The following IQSEC3 variants were observed in gnomAD, a reference collection of about 807,000 sequenced individuals.
IQSEC3 encodes IQ motif and Sec7 domain ArfGEF 3, also known as IQ motif and SEC7 domain-containing protein 3.
In IQSEC3, 50 loss-of-function variants were observed where a neutral mutation model predicts 105.4. The ratio of observed to expected loss-of-function variants is 0.47; its 90% CI spans 0.38 to 0.60. The LOEUF is 0.60. Ranked by LOEUF, IQSEC3 falls within the 20% of genes least tolerant of loss-of-function variation. The pLI is 0.00. For missense variants in IQSEC3, 1,415 were observed against 1,630.0 expected (o/e 0.87, Z 2.27); for synonymous variants, 708 against 746.0 (o/e 0.95, Z 0.83).
intron 1 of IQSEC3, among the ~76,000 whole-genome samples, chr12:98,640 AT>A (rs1291872326): frequency 6.6e-6 from 1 of 152,128 alleles, no homozygotes. Context: ...CACTCCTTGG[AT>A]TTTTAGCTGG....
chr12:114,509 AAG>A (rs1864991026), intron 2 of IQSEC3, among the ~76,000 whole-genome samples: 1 of 152,228 alleles, frequency 6.6e-6, no homozygotes, highest in African/African-American at 2.4e-5. Context: ...AAAAGAGAGA[AAG>A]AGAGAGACTC....
chr12:131,592 T>C lies in IQSEC3; in HGVS notation c.903+5680T>C, dbSNP rs1591695074. ...CCTGGGGTCACAAGAGAGAATTCAGTTTAGTTCATGTCTGCAAACACTTAT... is the reference window on the plus strand; with the variant it reads ...CCTGGGGTCACAAGAGAGAATTCAGCTTAGTTCATGTCTGCAAACACTTAT... On this transcript the variant is annotated intron_variant, in intron 3 of 13. Transcript: ENST00000538872. Among the ~76,000 whole-genome samples the C allele has an allele frequency of 2.6e-5, 4 of 152,236 alleles. No individual in the cohort carries two copies. In the South Asian group the frequency reaches 6.2e-4, roughly 24 times the overall value.
chr12:97,848 C>G (rs1270363734), intron 1 of IQSEC3, among the ~76,000 whole-genome samples: 3 of 152,292 alleles, frequency 2.0e-5, no homozygotes, highest in Non-Finnish European at 2.9e-5. Context: ...TTCTTCCATG[C>G]AGATAGCCAA....
At chr12:159,906 C>T (rs1866825439) in intron 7 of IQSEC3, among the ~76,000 whole-genome samples, 1 of 152,154 alleles carries the variant, frequency 6.6e-6, no homozygotes, top group Non-Finnish European at 1.5e-5. Flanking sequence ...TTATAGTTTT[C>T]TACCTGCCAT....
chr12:165,541 T>TTTGACAGCCAGTGTAAGTCG lies in IQSEC3; in HGVS notation c.2809+27_2809+28insGTTGACAGCCAGTGTAAGTC. ...AGCTCTTTGAGAACGAGTGTAAGTC[T>TTTGACAGCCAGTGTAAGTCG]TTGACAGCCAGTGTAAGTCTTTGAG... On this transcript the variant is annotated intron_variant, in intron 10 of 13. Transcript: ENST00000538872. 1 of 1,611,550 alleles carries TTTGACAGCCAGTGTAAGTCG rather than the reference T, an allele frequency of 6.2e-7. No individual in the cohort carries two copies. Among genetic ancestry groups the TTTGACAGCCAGTGTAAGTCG allele is most frequent in the Non-Finnish European group, 8.5e-7 (1 of 1,177,658 alleles).
rs529888980 is a variant in IQSEC3 at position 174,653 on chromosome 12, G to C, written c.3169G>C (p.Glu1057Gln). 1.3e-6 allele frequency: 2 copies of C among 1,586,816 alleles called. No homozygotes were observed. Among genetic ancestry groups the C allele is most frequent in the Non-Finnish European group, 1.7e-6 (2 of 1,173,552 alleles). Residue 1057 changes from glutamate (E) to glutamine (Q), a missense_variant, in exon 14 of 14, where the codon GAG becomes CAG. Physicochemically the swap from Glu to Gln is conservative, Grantham distance 29 (BLOSUM62 2). Coordinates refer to ENST00000538872, the MANE Select transcript of IQSEC3 (RefSeq NM_001170738.2). ...TSQHNSGLGAERGAPVPPPDL... is the reference protein window; with the variant it reads ...TSQHNSGLGAQRGAPVPPPDL... ...CCAGCACAACTCCGGGCTGGGGGCC[G>C]AGAGGGGAGCGCCGGTGCCGCCGCC...
chr12:110,280 T>G (rs1864837152), intron 2 of IQSEC3, among the ~76,000 whole-genome samples: 2 of 152,158 alleles, frequency 1.3e-5, no homozygotes, highest in Non-Finnish European at 2.9e-5. Flanking sequence ...TGCAGTTTCT[T>G]AGTAATATCA....
chr12:174,934 C>T lies in IQSEC3; in HGVS notation c.3450C>T (p.Pro1150=), dbSNP rs772946267. 2.6e-6 allele frequency: 4 copies of T among 1,532,886 alleles called. No individual in the cohort carries two copies. The African/African-American group carries it at 4.1e-5, about 16-fold the overall frequency. 95.0% of individuals were successfully genotyped at this position (1,532,886 alleles called of 1,614,324 possible). ...PVKVTHQPPL[P]PPPPPYNHPH... is the part of the protein sequence containing the mutation. ...AGGTCACCCACCAGCCTCCGCTGCC[C>T]CCGCCCCCACCCCCCTACAACCACC... The change falls in exon 14 of 14, where the codon CCC becomes CCT. Residue 1150 remains proline (P), a synonymous_variant. Transcript: ENST00000538872.
intron 13 of IQSEC3, 24 bp downstream of exon 13, chr12:171,185 GGTGA>G: frequency 1.2e-6 from 2 of 1,614,100 alleles, no homozygotes; most frequent in Non-Finnish European, 1.7e-6. Context: ...TGGTTGCCCA[GGTGA>G]GTGACTACCC....
chr12:125,507 C>A, intron 2 of IQSEC3, 126 bp from the exon 3 acceptor site: 2 of 966,586 alleles, frequency 2.1e-6, no homozygotes, highest in Non-Finnish European at 2.8e-6. Flanking sequence ...CTGTGAAAGA[C>A]ACCCCCTCCA....
intron 1 of IQSEC3, among the ~76,000 whole-genome samples, chr12:83,815 G>A (rs762666165): frequency 3.3e-5 from 5 of 152,200 alleles, no homozygotes; most frequent in Middle Eastern, 3.4e-3. Flanking sequence ...CCGGAGCGCC[G>A]TGCACCCTTG....
intron 5 of IQSEC3, among the ~76,000 whole-genome samples, chr12:151,355 C>T (rs1866503400): frequency 6.6e-6 from 1 of 152,234 alleles, no homozygotes; most frequent in South Asian, 2.1e-4. Flanking sequence ...CTCCAGGATG[C>T]ACCAGTGATG....
chr12:121,320 T>A (rs1200808657), intron 2 of IQSEC3, among the ~76,000 whole-genome samples: 3 of 152,224 alleles, frequency 2.0e-5, no homozygotes, highest in African/African-American at 7.2e-5. Flanking sequence ...TATGACAGCC[T>A]AAGGTGAAGA....
intron 2 of IQSEC3, among the ~76,000 whole-genome samples, chr12:110,219 G>A (rs1864834130): frequency 6.6e-6 from 1 of 151,798 alleles, no homozygotes; most frequent in African/African-American, 2.4e-5. Flanking sequence ...AACCTTCTGA[G>A]CTTCCCTCAG....
At chr12:165,374 C>G (rs558960303) in intron 9 of IQSEC3, 60 bp from the exon 10 acceptor site, 2 of 1,296,884 alleles carry the variant, frequency 1.5e-6, no homozygotes, top group Admixed American at 3.4e-5. Flanking sequence ...GGTGTTTGTG[C>G]ATCCATGTGT....
chr12:76,135 G>C (rs1863515881), intron 1 of IQSEC3, among the ~76,000 whole-genome samples: 1 of 150,508 alleles, frequency 6.6e-6, no homozygotes, highest in African/African-American at 2.5e-5. Flanking sequence ...CACACACAAG[G>C]CCTCAGCAGG....
intron 2 of IQSEC3, among the ~76,000 whole-genome samples, chr12:101,053 C>T (rs890863988): frequency 1.2e-4 from 19 of 152,310 alleles, no homozygotes; most frequent in South Asian, 2.1e-4. Context: ...TTTATTGATA[C>T]TAACCAAGCA....
At chr12:154,242 T>TCACC (rs782688191) in intron 5 of IQSEC3, among the ~76,000 whole-genome samples, 27 of 152,216 alleles carry the variant, frequency 1.8e-4, no homozygotes, top group Non-Finnish European at 3.8e-4. Flanking sequence ...CGGCTGCTTG[T>TCACC]CACCTGAGTG....
At chr12:87,240 A>C (rs782183039) in intron 1 of IQSEC3, among the ~76,000 whole-genome samples, 1 of 151,994 alleles carries the variant, frequency 6.6e-6, no homozygotes, top group Non-Finnish European at 1.5e-5. Flanking sequence ...CAAGCTGGGG[A>C]TGGCTGTTTG....
Sources: gnomAD v4.1 joint callset for allele counts (sites outside exome capture counted in the v4.1 genomes callset) on GRCh38, gnomAD v4.1.1 for gene constraint, MANE v1.5 for transcripts, NCBI Gene and HGNC (gene_info 2026-07-23, HGNC 2026-07-21) for gene names.